SYNPO2: variants seen among roughly 807,000 people sequenced by gnomAD.
SYNPO2 encodes the protein synaptopodin 2.
SYNPO2 carries 56 observed loss-of-function variants against 85.0 expected under a neutral mutation model. The observed-to-expected ratio is 0.66, with a 90% confidence interval of 0.53 to 0.82. The LOEUF (loss-of-function observed/expected upper bound fraction) is 0.82. SYNPO2 is among the 40% of genes least tolerant of loss of function. The probability of loss-of-function intolerance (pLI) is 0.00; values close to 1 mark genes in which losing one functional copy is unlikely to be tolerated. For synonymous variants in SYNPO2, 602 were observed against 591.1 expected, an observed-to-expected ratio of 1.02 and a Z score of -0.27; for missense variants, 1,575 against 1,534.2, an observed-to-expected ratio of 1.03 and a Z score of -0.44.
Position 118,879,176 on chromosome 4 carries a change from C to G in SYNPO2, c.12+28236C>G, listed in dbSNP as rs145072238. 2.1e-3 allele frequency among the ~76,000 whole-genome samples: 314 copies of G among 152,308 alleles called. 1 individual carries two copies. Among genetic ancestry groups the G allele is most frequent in the African/African-American group, 7.0e-3 (290 of 41,572 alleles). ...TGAACATCTGAAGGAACAAACTCTG[C>G]ACACACCATCTTTAAGAACGGTAAC... On this transcript the variant is annotated intron_variant, in intron 1 of 4. Transcript: ENST00000610556.
intron 1 of SYNPO2, among the ~76,000 whole-genome samples, chr4:118,891,551 G>A (rs1375424120): frequency 6.6e-6 from 1 of 152,226 alleles, no homozygotes. Context: ...TTGGAACAAA[G>A]CGCTTATCAC....
chr4:118,900,703 C>CTCTCTATATATATATATATATA (rs1277981772), intron 1 of SYNPO2, among the ~76,000 whole-genome samples: 3 of 43,890 alleles, frequency 6.8e-5, no homozygotes, highest in Non-Finnish European at 9.1e-5. Flanking sequence ...CTCTCTCTCT[C>CTCTCTATATATATATATATATA]TATATATATA....
Position 119,031,526 on chromosome 4 carries a change from C to G in SYNPO2, c.2751C>G (p.Val917=). ...LPASWKYSSN[V]RAPPPVAYNP... is the part of the protein sequence containing the mutation. ...CCAGTTGGAAGTACTCCTCCAATGTCCGAGCACCTCCTCCTGTGGCCTATA... is the reference window on the plus strand; with the variant it reads ...CCAGTTGGAAGTACTCCTCCAATGTGCGAGCACCTCCTCCTGTGGCCTATA... Residue 917 remains valine, a synonymous_variant, in exon 4 of 5, where the codon GTC becomes GTG. Coordinates refer to ENST00000307142, the MANE Select transcript of SYNPO2 (RefSeq NM_133477.3). 4 of 1,614,090 alleles carry G rather than the reference C, an allele frequency of 2.5e-6. No homozygotes were observed. The highest frequency in any genetic ancestry group is 3.4e-6 in the Non-Finnish European group (4 of 1,180,016).
At chr4:119,000,472 C>T (rs1269727188) in intron 1 of SYNPO2, among the ~76,000 whole-genome samples, 2 of 152,194 alleles carry the variant, frequency 1.3e-5, no homozygotes, top group African/African-American at 2.4e-5. Context: ...GCAGAAGACA[C>T]CCACAGACAC....
At chr4:118,978,425 A>G (rs1414488538) in intron 1 of SYNPO2, among the ~76,000 whole-genome samples, 1 of 152,246 alleles carries the variant, frequency 6.6e-6, no homozygotes, top group Non-Finnish European at 1.5e-5. Context: ...GTAAAACACA[A>G]AAGAGTTGGG....
At position 119,038,446 on chromosome 4, in the gene SYNPO2, A is replaced by G. The variant is rs922024079; in HGVS notation, c.3252+6419A>G. The G allele has an allele frequency of 2.6e-5, 26 of 985,284 alleles. No homozygotes were observed. The East Asian group carries it at 1.9e-3, about 73-fold the overall frequency. The allele number at this position is 985,284 out of a possible 1,614,324, so 61.0% of individuals were successfully genotyped here. Reference sequence around the variant, plus strand: ...TTCATTTTCTTATTTCAGAATGAATAGTGTTGTTCGTTGGCTGGGAATGGG... The same window carrying G: ...TTCATTTTCTTATTTCAGAATGAATGGTGTTGTTCGTTGGCTGGGAATGGG... On this transcript the variant is annotated intron_variant, in intron 4 of 4. Coordinates refer to ENST00000307142, the MANE Select transcript of SYNPO2 (RefSeq NM_133477.3).
At chr4:119,022,834 T>C (rs1737790133) in intron 1 of SYNPO2, among the ~76,000 whole-genome samples, 1 of 151,778 alleles carries the variant, frequency 6.6e-6, no homozygotes, top group African/African-American at 2.4e-5. Flanking sequence ...TGGAGTACAA[T>C]GGTGCGATAT....
intron 1 of SYNPO2, among the ~76,000 whole-genome samples, chr4:118,992,091 T>C (rs1232527378): frequency 1.3e-5 from 2 of 152,120 alleles, no homozygotes; most frequent in African/African-American, 4.8e-5. Flanking sequence ...CGGCAGGAGA[T>C]GGTGCTAGGG....
In SYNPO2 at chr4:119,057,705, C is replaced by G. The variant is rs1212392554; in HGVS notation, c.3557C>G (p.Thr1186Ser). Residue 1186 changes from threonine to serine, a missense_variant, in exon 5 of 5, where the codon ACC becomes AGC. By Grantham distance (58) the Thr-to-Ser change is moderately conservative. This residue lies in a region of SYNPO2 where 1,508 missense variants were observed against 1,446.8 expected (regional missense o/e 1.04). Transcript: ENST00000307142. Reference protein sequence around the residue: ...WNERLSYIPQTQKAYMGSCGR... With the variant: ...WNERLSYIPQSQKAYMGSCGR... ...GAAAGACTGTCCTATATTCCTCAAA[C>G]CCAGAAGGCCTATATGGGCTCATGT... The G allele has an allele frequency of 1.2e-6, 2 of 1,614,028 alleles. No individual in the cohort carries two copies. The highest frequency in any genetic ancestry group is 2.7e-5 in the African/African-American group (2 of 74,920).
In SYNPO2 at chr4:118,991,604, G is replaced by T. The variant is rs541354790; in HGVS notation, c.106-31826G>T. Among the ~76,000 whole-genome samples the T allele has an allele frequency of 5.9e-5, 9 of 152,342 alleles. No individual in the cohort carries two copies. The East Asian group carries it at 1.3e-3, about 23-fold the overall frequency. On this transcript the variant is annotated intron_variant, in intron 1 of 4. Coordinates refer to ENST00000307142, the MANE Select transcript of SYNPO2 (RefSeq NM_133477.3). The stretch of plus-strand genomic sequence containing the variant: ...AGACTTTGGGAGACAGAGCAGGGGT[G>T]GGGGAGAAGAAGAGAAAGAAGAAAG...
At chr4:119,015,566 G>A (rs369138913) in intron 1 of SYNPO2, among the ~76,000 whole-genome samples, 1 of 152,176 alleles carries the variant, frequency 6.6e-6, no homozygotes, top group African/African-American at 2.4e-5. Flanking sequence ...CTTACATTAT[G>A]GATTCCAATT....
chr4:119,031,840 C>G lies in SYNPO2; in HGVS notation c.3065C>G (p.Ser1022Trp), dbSNP rs774034168. 2.4e-5 allele frequency: 39 copies of G among 1,614,100 alleles called. No homozygotes were observed. The East Asian group carries it at 8.5e-4, about 35-fold the overall frequency. The change falls in exon 4 of 5, where the codon TCG becomes TGG. Residue 1022 changes from serine (S) to tryptophan (W), a missense_variant. Physicochemically the swap from Ser to Trp is radical, Grantham distance 177 (BLOSUM62 -3). Transcript: ENST00000307142. ...NAASPTNVQASSVYSVPAYTS... is the reference protein window; with the variant it reads ...NAASPTNVQAWSVYSVPAYTS... Reference sequence around the variant, plus strand: ...GCCTCACCTACGAATGTGCAGGCTTCGTCAGTGTACTCGGTACCAGCCTAT... The same window carrying G: ...GCCTCACCTACGAATGTGCAGGCTTGGTCAGTGTACTCGGTACCAGCCTAT...
intron 4 of SYNPO2, chr4:119,033,827 C>T: frequency 1.0e-6 from 1 of 984,692 alleles, no homozygotes. Context: ...GCTCCCACAA[C>T]AATTTCATTG....
chr4:118,911,173 A>T (rs1733123360), intron 1 of SYNPO2, among the ~76,000 whole-genome samples: 1 of 152,218 alleles, frequency 6.6e-6, no homozygotes, highest in African/African-American at 2.4e-5. Context: ...TGAAGCAAAG[A>T]TAAAAAATTT....
At chr4:119,056,462 C>A (rs1244050544) in intron 4 of SYNPO2, among the ~76,000 whole-genome samples, 1 of 151,922 alleles carries the variant, frequency 6.6e-6, no homozygotes, top group African/African-American at 2.4e-5. Context: ...GAGGCTGAGG[C>A]AGGAGGATTG....
At chr4:119,056,670 TGAAA>T (rs1457575028) in intron 4 of SYNPO2, among the ~76,000 whole-genome samples, 1 of 152,024 alleles carries the variant, frequency 6.6e-6, no homozygotes, top group African/African-American at 2.4e-5. Flanking sequence ...GTAATACACA[TGAAA>T]GGAAGCAAAA....
intron 1 of SYNPO2, among the ~76,000 whole-genome samples, chr4:118,959,053 A>C (rs1228309163): frequency 6.6e-6 from 1 of 152,178 alleles, no homozygotes; most frequent in East Asian, 1.9e-4. Context: ...TTTATTCATC[A>C]ATTAGTAAAG....
chr4:118,936,868 G>A (rs1377097874), intron 1 of SYNPO2, among the ~76,000 whole-genome samples: 2 of 152,146 alleles, frequency 1.3e-5, no homozygotes, highest in African/African-American at 4.8e-5. Context: ...AGTGGTTTAA[G>A]GAAAGCCTGT....
intron 1 of SYNPO2, among the ~76,000 whole-genome samples, chr4:118,867,759 G>T (rs1578507069): frequency 6.6e-6 from 1 of 151,942 alleles, no homozygotes; most frequent in South Asian, 2.1e-4. Flanking sequence ...AACCTAGTTT[G>T]TTTTTCAAAT....
Sources: allele counts gnomAD v4.1 joint callset (sites outside exome capture counted in the v4.1 genomes callset), GRCh38; gene constraint gnomAD v4.1.1; regional missense constraint gnomAD v4.1.1; transcripts MANE v1.5; gene names NCBI Gene and HGNC (gene_info 2026-07-23, HGNC 2026-07-21).